Variants in CASK observed in about 807,000 individuals in gnomAD.
The protein encoded by CASK is peripheral plasma membrane protein CASK.
Under a neutral mutation model 82.9 loss-of-function variants are expected in CASK, and 4 were observed. The observed-to-expected ratio is 0.05, with a 90% CI of 0.02 to 0.11. The LOEUF (loss-of-function observed/expected upper bound fraction) is 0.11. Ranked by LOEUF, CASK falls within the 10% of genes least tolerant of loss-of-function variation. CASK has a pLI of 1.00. For synonymous variants in CASK, 259 were observed against 253.5 expected (o/e 1.02, Z -0.20); for missense variants, 358 against 720.9 (o/e 0.50, Z 5.76).
At chrX:41,565,621 G>A (rs1251105894) in intron 16 of CASK, among the ~76,000 whole-genome samples, 1 of 111,513 alleles carries the variant, frequency 9.0e-6, no homozygotes, top group South Asian at 3.7e-4. Context: ...AAAAGTCCAG[G>A]ACCAGACGGA....
At chrX:41,818,765 A>T (rs1398176568) in intron 2 of CASK, among the ~76,000 whole-genome samples, 1 of 110,812 alleles carries the variant, frequency 9.0e-6, no homozygotes, top group Non-Finnish European at 1.9e-5. Flanking sequence ...GGGGAAATTC[A>T]ATGGAGAAAA....
chrX:41,641,453 T>C (rs955423173), intron 8 of CASK, among the ~76,000 whole-genome samples: 1 of 111,805 alleles, frequency 8.9e-6, no homozygotes, highest in Non-Finnish European at 1.9e-5. Flanking sequence ...ATATTAAGGC[T>C]ATAGAGGGTG....
chrX:41,710,133 T>G (rs866997062), intron 5 of CASK, among the ~76,000 whole-genome samples: 2 of 30,794 alleles, frequency 6.5e-5, no homozygotes, highest in South Asian at 1.1e-3. Context: ...GTGTGTGTGT[T>G]TTGTACCTGG....
At chrX:41,676,473 G>A (rs2067266957) in intron 5 of CASK, 1 of 1,193,679 alleles carries the variant, frequency 8.4e-7, no homozygotes, top group Non-Finnish European at 1.1e-6. Context: ...TTGGCCTTCT[G>A]AACCAGCTCA....
chrX:41,604,629 C>T (rs1318396378), intron 12 of CASK, among the ~76,000 whole-genome samples: 3 of 111,296 alleles, frequency 2.7e-5, no homozygotes, highest in Non-Finnish European at 5.6e-5. Context: ...ACTTGTGGTA[C>T]TTTGTTATGG....
At chrX:41,631,777 T>C (rs2066471177) in intron 9 of CASK, among the ~76,000 whole-genome samples, 1 of 111,899 alleles carries the variant, frequency 8.9e-6, no homozygotes, top group South Asian at 3.7e-4. Flanking sequence ...GGCCTATATA[T>C]GTATTTCTTA....
chrX:41,901,158 CAGT>C (rs1014410100), intron 1 of CASK, among the ~76,000 whole-genome samples: 3 of 112,136 alleles, frequency 2.7e-5, no homozygotes, highest in Non-Finnish European at 5.6e-5. Flanking sequence ...GTGATCCTTG[CAGT>C]TTTGCATTAG....
At chrX:41,557,710 A>G (rs1003758642) in intron 18 of CASK, among the ~76,000 whole-genome samples, 1 of 111,165 alleles carries the variant, frequency 9.0e-6, no homozygotes, top group African/African-American at 3.3e-5. Flanking sequence ...GCCTATAACA[A>G]TATTACACTT....
intron 3 of CASK, chrX:41,748,601 T>C (rs754230070): frequency 1.3e-4 from 26 of 205,040 alleles, no homozygotes; most frequent in Non-Finnish European, 2.2e-4. Flanking sequence ...CTGGAATTCT[T>C]TTTCTAGGGA....
At chrX:41,865,439 A>G (rs1025123471) in intron 1 of CASK, among the ~76,000 whole-genome samples, 1 of 110,696 alleles carries the variant, frequency 9.0e-6, no homozygotes, top group African/African-American at 3.3e-5. Flanking sequence ...GAGATCTTCT[A>G]TCTTTTCATT....
intron 4 of CASK, among the ~76,000 whole-genome samples, chrX:41,744,127 C>G (rs1423043640): frequency 9.5e-6 from 1 of 105,620 alleles, no homozygotes; most frequent in Non-Finnish European, 1.9e-5. Flanking sequence ...CCGCACCCCC[C>G]GCAAAAAAAA....
chrX:41,754,232 C>T (rs1007321601), intron 3 of CASK, among the ~76,000 whole-genome samples: 69 of 110,234 alleles, frequency 6.3e-4, no homozygotes, highest in Non-Finnish European at 5.7e-4. Flanking sequence ...ACCCCCATCT[C>T]TTCAAATAAT....
intron 2 of CASK, among the ~76,000 whole-genome samples, chrX:41,830,484 T>C (rs2070769670): frequency 9.0e-6 from 1 of 111,278 alleles, no homozygotes; most frequent in South Asian, 3.8e-4. Context: ...AACAAGCGTG[T>C]ACAATAAAGT....
chrX:41,921,293 G>A (rs1255954239), intron 1 of CASK, among the ~76,000 whole-genome samples: 2 of 111,967 alleles, frequency 1.8e-5, no homozygotes, highest in Non-Finnish European at 3.8e-5. Context: ...ATGTAGCTTA[G>A]TGTCAGAATT....
intron 1 of CASK, among the ~76,000 whole-genome samples, chrX:41,891,454 G>A (rs1031227184): frequency 1.1e-4 from 12 of 111,736 alleles, no homozygotes; most frequent in African/African-American, 3.6e-4. Context: ...TTTTGGATGA[G>A]ATATATAAAA....
At chrX:41,693,885 A>G (rs1391754515) in intron 5 of CASK, among the ~76,000 whole-genome samples, 1 of 111,729 alleles carries the variant, frequency 9.0e-6, no homozygotes, top group African/African-American at 3.3e-5. Context: ...AACATTTTAA[A>G]TCTTAATGTT....
chrX:41,769,551 C>T (rs765446363), intron 3 of CASK, among the ~76,000 whole-genome samples: 3 of 110,985 alleles, frequency 2.7e-5, no homozygotes, highest in South Asian at 3.9e-4. Flanking sequence ...ACTTGCAACC[C>T]GGCTTTACAT....
chrX:41,529,797 T>C (rs368459614), intron 25 of CASK: 2 of 112,596 alleles, frequency 1.8e-5, no homozygotes, highest in East Asian at 2.8e-4. Flanking sequence ...ACAGATCCTT[T>C]TGTGGTTTCC....
At chrX:41,854,103 C>CT (rs1012748572) in intron 1 of CASK, among the ~76,000 whole-genome samples, 1 of 111,511 alleles carries the variant, frequency 9.0e-6, no homozygotes, top group African/African-American at 3.3e-5. Context: ...GAAGTAATTT[C>CT]TATGAGCACA....
Sources: gnomAD v4.1 joint callset for allele counts (sites outside exome capture counted in the v4.1 genomes callset) on GRCh38, gnomAD v4.1.1 for gene constraint, MANE v1.5 for transcripts, NCBI Gene and HGNC (gene_info 2026-07-23, HGNC 2026-07-21) for gene names.